The following ANXA13 variants were observed in gnomAD, a reference collection of about 807,000 sequenced individuals.
ANXA13 encodes annexin A13, also known as annexin XIII.
ANXA13 carries 36 observed loss-of-function variants against 46.6 expected under a neutral mutation model. That is an observed-to-expected ratio of 0.77 (90% CI 0.59 to 1.02). The LOEUF is 1.02. Among genes scored for constraint, ANXA13 ranks in the 50% least tolerant of loss-of-function variants. The probability of loss-of-function intolerance (pLI) is 0.00; values close to 1 mark genes in which losing one functional copy is unlikely to be tolerated. For missense variants in ANXA13, 417 were observed against 396.5 expected (o/e 1.05, Z -0.44); for synonymous variants, 163 against 152.9 (o/e 1.07, Z -0.49).
Position 123,735,787 on chromosome 8 carries a change from A to T in ANXA13, c.15+1533T>A. ...GGGGCCTCTGGCTCTCCATTCCGTG[A>T]TGGGTGGCTGAGAGGCTGCACGACT... is the stretch of plus-strand genomic sequence containing the variant. On this transcript the variant is annotated intron_variant, in intron 1 of 10. Coordinates refer to ENST00000419625, the MANE Select transcript of ANXA13 (RefSeq NM_004306.4). The T allele has an allele frequency of 1.2e-6, 2 of 1,612,520 alleles. 1 individual carries two copies. The highest frequency in any genetic ancestry group is 2.2e-5 in the South Asian group (2 of 90,660).
At chr8:123,730,600 G>T (rs181338937) in intron 1 of ANXA13, among the ~76,000 whole-genome samples, 3 of 152,276 alleles carry the variant, frequency 2.0e-5, no homozygotes, top group African/African-American at 7.2e-5. Flanking sequence ...GAGAGTCTTT[G>T]TAGATGTAAT....
intron 3 of ANXA13, among the ~76,000 whole-genome samples, chr8:123,699,217 T>C (rs531398718): frequency 1.3e-5 from 2 of 152,174 alleles, no homozygotes; most frequent in Non-Finnish European, 2.9e-5. Flanking sequence ...GGTGACTTTG[T>C]CACCCAGGCT....
intron 2 of ANXA13, 115 bp downstream of exon 2, chr8:123,712,563 G>T: frequency 1.1e-6 from 1 of 921,352 alleles, no homozygotes; most frequent in Non-Finnish European, 1.8e-6. Flanking sequence ...ACTTGCGTTA[G>T]CTCGGAATAC....
rs187356772 is a variant in ANXA13 at position 123,685,854 on chromosome 8, C to T, written c.719-1132G>A. Among the ~76,000 whole-genome samples the T allele has an allele frequency of 2.3e-4, 35 of 152,304 alleles. No homozygotes were observed. The Middle Eastern group carries it at 0.014, about 59-fold the overall frequency. ...GGATTGGTGGTTCAGGGGAAACTTG[C>T]ATGCTATTCTGGGGAGTAGCATATT... On this transcript the variant is annotated intron_variant, in intron 9 of 10. Coordinates refer to ENST00000419625, the MANE Select transcript of ANXA13 (RefSeq NM_004306.4).
At chr8:123,730,161 G>A (rs891226508) in intron 1 of ANXA13, among the ~76,000 whole-genome samples, 3 of 152,204 alleles carry the variant, frequency 2.0e-5, no homozygotes, top group African/African-American at 7.2e-5. Context: ...TGCTTCCGAA[G>A]TGCTTGACTT....
At chr8:123,731,176 T>G (rs1814110360) in intron 1 of ANXA13, among the ~76,000 whole-genome samples, 1 of 152,104 alleles carries the variant, frequency 6.6e-6, no homozygotes, top group Non-Finnish European at 1.5e-5. Context: ...CTCCAGAATT[T>G]GCATTCCTAA....
chr8:123,705,366 A>T (rs1297604332), intron 2 of ANXA13, among the ~76,000 whole-genome samples: 1 of 152,210 alleles, frequency 6.6e-6, no homozygotes, highest in Admixed American at 6.5e-5. Flanking sequence ...TCCTAGAATT[A>T]CATCAGAATC....
chr8:123,730,579 T>G (rs1814098923), intron 1 of ANXA13, among the ~76,000 whole-genome samples: 1 of 152,132 alleles, frequency 6.6e-6, no homozygotes. Flanking sequence ...AGAATTCACC[T>G]TATTTGGAAA....
intron 6 of ANXA13, 77 bp from the exon 7 acceptor site, chr8:123,693,856 T>C: frequency 7.4e-7 from 1 of 1,351,406 alleles, no homozygotes; most frequent in South Asian, 1.2e-5. Context: ...AAAAACAAAG[T>C]CCTGGAGAAA....
In ANXA13 at chr8:123,680,968, G is replaced by C. The variant is rs935669017; in HGVS notation, c.*272C>G. 1.9e-5 allele frequency: 7 copies of C among 364,072 alleles called. No individual in the cohort carries two copies. Among genetic ancestry groups the C allele is most frequent in the Non-Finnish European group, 3.5e-5 (7 of 201,132 alleles). The allele number at this position is 364,072 out of a possible 1,614,324, so 22.6% of individuals were successfully genotyped here. ...TTTTCATCAACTGCTGATTTCATTA[G>C]TGTTTAGAAAACATCCAGTTACCAT... is the stretch of plus-strand genomic sequence containing the variant. On this transcript the variant is annotated 3_prime_UTR_variant, in exon 11 of 11. Coordinates refer to ENST00000419625, the MANE Select transcript of ANXA13 (RefSeq NM_004306.4).
intron 4 of ANXA13, among the ~76,000 whole-genome samples, chr8:123,697,005 G>A (rs1813351999): frequency 6.6e-6 from 1 of 152,208 alleles, no homozygotes; most frequent in Non-Finnish European, 1.5e-5. Context: ...CGCCTCCCGG[G>A]TTCAAGCGAT....
rs1463613410 is a variant in ANXA13 at position 123,691,069 on chromosome 8, G to A, written c.643-2123C>T. ...TAATCCTGCATGATGCAGAAGTTTG[G>A]GAAACTGTTGCGTGGCCTGGGATTG... On this transcript the variant is annotated intron_variant, in intron 8 of 10. Coordinates refer to ENST00000419625, the MANE Select transcript of ANXA13 (RefSeq NM_004306.4). 3.3e-5 allele frequency among the ~76,000 whole-genome samples: 5 copies of A among 152,178 alleles called. No homozygotes were observed. The East Asian group carries it at 9.6e-4, about 29-fold the overall frequency.
chr8:123,700,618 G>A (rs1436539610), intron 3 of ANXA13, among the ~76,000 whole-genome samples: 2 of 152,074 alleles, frequency 1.3e-5, no homozygotes, highest in Non-Finnish European at 2.9e-5. Context: ...GTTTTAACAG[G>A]GCCCCTAGGC....
chr8:123,714,252 T>C (rs11992243), intron 1 of ANXA13, among the ~76,000 whole-genome samples: 3,856 of 152,242 alleles, frequency 0.025, 148 homozygotes, highest in African/African-American at 0.082. Context: ...TGGTCACCAA[T>C]GTAGGCACGT....
chr8:123,722,669 G>A (rs1244874565), intron 1 of ANXA13, among the ~76,000 whole-genome samples: 1 of 152,184 alleles, frequency 6.6e-6, no homozygotes, highest in Non-Finnish European at 1.5e-5. Context: ...GATGCTAATA[G>A]AATCATGTTT....
chr8:123,709,916 A>T (rs1813623983), intron 2 of ANXA13, among the ~76,000 whole-genome samples: 1 of 151,920 alleles, frequency 6.6e-6, no homozygotes, highest in Admixed American at 6.6e-5. Context: ...GCACCACCAC[A>T]CCCGGCCAAT....
chr8:123,731,394 C>A (rs1393560424), intron 1 of ANXA13, among the ~76,000 whole-genome samples: 1 of 152,138 alleles, frequency 6.6e-6, no homozygotes, highest in East Asian at 1.9e-4. Flanking sequence ...TCCAACTGGG[C>A]AAAACACTGA....
chr8:123,709,365 C>T (rs1271247820), intron 2 of ANXA13, among the ~76,000 whole-genome samples: 1 of 151,622 alleles, frequency 6.6e-6, no homozygotes, highest in African/African-American at 2.4e-5. Flanking sequence ...CTTCCTCCTT[C>T]TCTTCTTTCT....
chr8:123,702,810 A>T (rs1586322955), intron 2 of ANXA13, 74 bp from the exon 3 acceptor site: 1 of 1,365,090 alleles, frequency 7.3e-7, no homozygotes, highest in East Asian at 2.3e-5. Context: ...GTCCAGGGTG[A>T]GGAAGCCAGG....
Sources: allele counts gnomAD v4.1 joint callset (sites outside exome capture counted in the v4.1 genomes callset), GRCh38; gene constraint gnomAD v4.1.1; transcripts MANE v1.5; gene names NCBI Gene and HGNC (gene_info 2026-07-23, HGNC 2026-07-21).